Variants in ANKRD36 observed in about 807,000 individuals in gnomAD.
ANKRD36 encodes the protein ankyrin repeat domain 36.
In ANKRD36, 179 loss-of-function variants were observed where a neutral mutation model predicts 278.1. The observed-to-expected ratio is 0.64, with a 90% CI of 0.57 to 0.73. ANKRD36 has a LOEUF of 0.73. ANKRD36 is among the 30% of genes least tolerant of loss of function. The probability of loss-of-function intolerance (pLI) is 0.00; values close to 1 mark genes in which losing one functional copy is unlikely to be tolerated. For missense variants in ANKRD36, 1,159 were observed against 1,956.7 expected (o/e 0.59, Z 7.69); for synonymous variants, 320 against 641.1 (o/e 0.50, Z 7.57).
At chr2:97,180,462 C>T (rs201708459) in intron 24 of ANKRD36, among the ~76,000 whole-genome samples, 1 of 151,444 alleles carries the variant, frequency 6.6e-6, no homozygotes. Flanking sequence ...GCTGAGGAAA[C>T]CTGAGTGAAC....
In ANKRD36 at chr2:97,175,732, G is replaced by A. The variant is rs1375026244; in HGVS notation, c.1634-4006G>A. ...TTGTGATGTTAGGGTGTCAATTTTGGATCTTTCCTGCTTTCTCTTGTGGGC... is the reference window on the plus strand; with the variant it reads ...TTGTGATGTTAGGGTGTCAATTTTGAATCTTTCCTGCTTTCTCTTGTGGGC... On this transcript the variant is annotated intron_variant, in intron 22 of 75. Transcript: ENST00000420699. Among the ~76,000 whole-genome samples, 2 of 148,510 alleles carry A rather than the reference G, an allele frequency of 1.3e-5. 1 individual carries two copies.
intron 50 of ANKRD36, among the ~76,000 whole-genome samples, chr2:97,205,171 T>C (rs1033701204): frequency 2.6e-5 from 4 of 151,728 alleles, no homozygotes; most frequent in Non-Finnish European, 4.4e-5. Flanking sequence ...GATTTCTGAA[T>C]GTAAAACTTA....
intron 6 of ANKRD36, among the ~76,000 whole-genome samples, chr2:97,134,635 A>C (rs939528849): frequency 6.6e-6 from 1 of 152,060 alleles, no homozygotes; most frequent in Non-Finnish European, 1.5e-5. Flanking sequence ...GAAAAATGCC[A>C]AGAGAGTCAT....
chr2:97,163,038 C>T lies in ANKRD36; in HGVS notation c.1429+900C>T, dbSNP rs539656030. Reference sequence around the variant, plus strand: ...ATCCCAGCACTTTGGGAGGCTGAGGCGGGAGGATCATGAGGTCAGGAGATG... The same window carrying T: ...ATCCCAGCACTTTGGGAGGCTGAGGTGGGAGGATCATGAGGTCAGGAGATG... On this transcript the variant is annotated intron_variant, in intron 18 of 75. Coordinates refer to ENST00000420699, the MANE Select transcript of ANKRD36 (RefSeq NM_001354587.1). Among the ~76,000 whole-genome samples, 6 of 151,810 alleles carry T rather than the reference C, an allele frequency of 4.0e-5. No homozygotes were observed. In the South Asian group the frequency reaches 8.3e-4, roughly 21 times the overall value.
chr2:97,184,705 G>T (rs2057016655), intron 28 of ANKRD36, among the ~76,000 whole-genome samples: 1 of 151,614 alleles, frequency 6.6e-6, no homozygotes, highest in African/African-American at 2.4e-5. Context: ...TAAACTAGAG[G>T]ATACAAGAAA....
intron 6 of ANKRD36, 109 bp from the exon 7 acceptor site, chr2:97,142,531 T>TA: frequency 6.4e-7 from 1 of 1,571,306 alleles, no homozygotes; most frequent in Non-Finnish European, 8.7e-7. Flanking sequence ...CATAAAAACC[T>TA]AAACTAATAG....
chr2:97,130,572 T>C (rs1473675285), intron 6 of ANKRD36, among the ~76,000 whole-genome samples: 1 of 151,426 alleles, frequency 6.6e-6, no homozygotes, highest in African/African-American at 2.4e-5. Context: ...GTTGTGCACA[T>C]GTACCCTAAA....
intron 75 of ANKRD36, among the ~76,000 whole-genome samples, chr2:97,263,114 G>A (rs1481879133): frequency 3.0e-5 from 4 of 131,930 alleles, no homozygotes; most frequent in Admixed American, 8.2e-5. Flanking sequence ...TGGGTAATAG[G>A]CAAAGAAGTC....
chr2:97,161,324 A>T (rs527835089), intron 17 of ANKRD36, among the ~76,000 whole-genome samples: 9 of 152,418 alleles, frequency 5.9e-5, no homozygotes, highest in Admixed American at 2.6e-4. Flanking sequence ...GAAAAACTGC[A>T]CTCCAGGTTT....
intron 58 of ANKRD36, among the ~76,000 whole-genome samples, chr2:97,212,029 A>G (rs1453516525): frequency 6.6e-6 from 1 of 151,864 alleles, no homozygotes; most frequent in Non-Finnish European, 1.5e-5. Flanking sequence ...CTTTAATTCT[A>G]CAGCATGTTT....
intron 38 of ANKRD36, among the ~76,000 whole-genome samples, chr2:97,193,460 G>C (rs1240259588): frequency 8.2e-6 from 1 of 121,794 alleles, no homozygotes; most frequent in Non-Finnish European, 2.0e-5. Flanking sequence ...GACACTGTAG[G>C]AGAACTAAGG....
At chr2:97,205,571 CAT>C (rs966145074) in intron 50 of ANKRD36, among the ~76,000 whole-genome samples, 4 of 151,430 alleles carry the variant, frequency 2.6e-5, no homozygotes, top group African/African-American at 7.3e-5. Context: ...GTGTGAAAGA[CAT>C]GTGGGATCAT....
chr2:97,185,181 A>G, intron 28 of ANKRD36, 135 bp from the exon 29 acceptor site: 13 of 1,242,598 alleles, frequency 1.0e-5, no homozygotes, highest in Non-Finnish European at 1.5e-5. Flanking sequence ...GTCATGTTCC[A>G]GTCCCCAGAC....
intron 15 of ANKRD36, among the ~76,000 whole-genome samples, chr2:97,156,683 G>A (rs1273002756): frequency 2.9e-5 from 4 of 138,148 alleles, no homozygotes; most frequent in East Asian, 2.2e-4. Flanking sequence ...ATAAACATAC[G>A]TGTGCATGTG....
At chr2:97,136,454 A>G (rs2041531978) in intron 6 of ANKRD36, among the ~76,000 whole-genome samples, 1 of 151,320 alleles carries the variant, frequency 6.6e-6, no homozygotes, top group Non-Finnish European at 1.5e-5. Context: ...GGTCCTGGGA[A>G]ACCCAACTTG....
intron 3 of ANKRD36, among the ~76,000 whole-genome samples, chr2:97,120,839 G>T (rs1392702208): frequency 1.3e-5 from 2 of 152,116 alleles, no homozygotes; most frequent in African/African-American, 4.8e-5. Context: ...TCTACAAATT[G>T]TCTCAACATG....
At chr2:97,160,891 A>C in intron 17 of ANKRD36, among the ~76,000 whole-genome samples, 1 of 152,120 alleles carries the variant, frequency 6.6e-6, no homozygotes, top group East Asian at 1.9e-4. Flanking sequence ...ATTAAGTTCA[A>C]AAGTGCAGAT....
At chr2:97,170,191 A>C (rs2052005812) in intron 22 of ANKRD36, among the ~76,000 whole-genome samples, 1 of 151,940 alleles carries the variant, frequency 6.6e-6, no homozygotes, top group Non-Finnish European at 1.5e-5. Flanking sequence ...TTACCTATTT[A>C]ATAAATGATG....
At chr2:97,198,778 T>G (rs2060502902) in intron 44 of ANKRD36, 120 bp downstream of exon 44, 2 of 1,142,890 alleles carry the variant, frequency 1.7e-6, no homozygotes, top group East Asian at 5.2e-5. Flanking sequence ...AGTCCTGAGA[T>G]TCTTCATTTC....
Sources: gnomAD v4.1 joint callset for allele counts (sites outside exome capture counted in the v4.1 genomes callset) on GRCh38, gnomAD v4.1.1 for gene constraint, MANE v1.5 for transcripts, NCBI Gene and HGNC (gene_info 2026-07-23, HGNC 2026-07-21) for gene names.